LIN52: variants seen among roughly 807,000 people sequenced by gnomAD.
LIN52 encodes lin-52 DREAM MuvB core complex component.
In LIN52, 4 loss-of-function variants were observed where a neutral mutation model predicts 18.5. The ratio of observed to expected loss-of-function variants is 0.22; its 90% confidence interval spans 0.11 to 0.49. LIN52 has a LOEUF of 0.49. Among genes scored for constraint, LIN52 ranks in the 20% least tolerant of loss-of-function variants. The pLI is 0.97. For missense variants in LIN52, 102 were observed against 139.5 expected (o/e 0.73, Z 1.35); for synonymous variants, 34 against 45.5 (o/e 0.75, Z 1.02).
chr14:74,170,794 T>C (rs1264729123), intron 5 of LIN52, among the ~76,000 whole-genome samples: 1 of 151,876 alleles, frequency 6.6e-6, no homozygotes, highest in East Asian at 1.9e-4. Flanking sequence ...AACCTTGATA[T>C]TGTGGGACAA....
chr14:74,123,972 G>T lies in LIN52; in HGVS notation c.283+22734G>T, dbSNP rs75250920. Among the ~76,000 whole-genome samples, 1,050 of 152,252 alleles carry T rather than the reference G, an allele frequency of 6.9e-3. 14 individuals are homozygous for T. Among genetic ancestry groups the T allele is most frequent in the African/African-American group, 0.024 (1,011 of 41,532 alleles). On this transcript the variant is annotated intron_variant, in intron 5 of 5. Transcript: ENST00000555028. ...TAAGGTAATAATAATGCCTCTTAAT[G>T]AGCTGTTGAGAGAGTTAAATTGGAT...
intron 1 of LIN52, among the ~76,000 whole-genome samples, chr14:74,089,187 G>A (rs2060755082): frequency 1.3e-5 from 2 of 152,050 alleles, no homozygotes; most frequent in South Asian, 4.1e-4. Flanking sequence ...GTATTCTGAA[G>A]GTAGAAACGA....
At chr14:74,133,573 G>C (rs1448310217) in intron 5 of LIN52, among the ~76,000 whole-genome samples, 1 of 152,200 alleles carries the variant, frequency 6.6e-6, no homozygotes, top group Non-Finnish European at 1.5e-5. Flanking sequence ...TGAAAAATAA[G>C]TATCTCCAGA....
chr14:74,092,278 A>AATT lies in LIN52; in HGVS notation c.94+984_94+986dup, dbSNP rs1280468064. On this transcript the variant is annotated intron_variant, in intron 2 of 5. Transcript: ENST00000555028. ...TGAGCCACCGTGCCTAGCCAACAATAATTATTATTATTATATATATGTATA... is the reference window on the plus strand; with the variant it reads ...TGAGCCACCGTGCCTAGCCAACAATAATTATTATTATTATTATATATATGTATA... 5.0e-3 allele frequency among the ~76,000 whole-genome samples: 679 copies of AATT among 136,620 alleles called. 2 individuals carry two copies. The highest frequency in any genetic ancestry group is 0.016 in the African/African-American group (569 of 35,882). The allele number at this position is 136,620 out of a possible 152,430, so 89.6% of individuals were successfully genotyped here.
At chr14:74,184,296 C>T (rs1395487567) in intron 5 of LIN52, among the ~76,000 whole-genome samples, 2 of 152,184 alleles carry the variant, frequency 1.3e-5, no homozygotes, top group East Asian at 1.9e-4. Context: ...GCCTGGGCTG[C>T]GCTCAAGCGA....
chr14:74,124,853 A>G (rs1257335846), intron 5 of LIN52, among the ~76,000 whole-genome samples: 1 of 150,156 alleles, frequency 6.7e-6, no homozygotes, highest in Non-Finnish European at 1.5e-5. Flanking sequence ...CTCTTGATAA[A>G]GAAGTGACCA....
At chr14:74,192,272 TTTTTTG>T (rs1433260735) in intron 5 of LIN52, among the ~76,000 whole-genome samples, 2 of 151,796 alleles carry the variant, frequency 1.3e-5, no homozygotes, top group Non-Finnish European at 2.9e-5. Flanking sequence ...ACAGTGGTTG[TTTTTTG>T]TTTTTGTTTT....
intron 5 of LIN52, among the ~76,000 whole-genome samples, chr14:74,197,264 C>G (rs1215919572): frequency 6.6e-6 from 1 of 152,168 alleles, no homozygotes; most frequent in Non-Finnish European, 1.5e-5. Flanking sequence ...TCAGCAGACA[C>G]TAGGTCTGCT....
chr14:74,095,929 GTT>G lies in LIN52; in HGVS notation c.95-16_95-15del. On this transcript the variant is annotated splice_polypyrimidine_tract_variant and intron_variant, in intron 2 of 5. Coordinates refer to ENST00000555028, the MANE Select transcript of LIN52 (RefSeq NM_001024674.3). ...CAATCATACTTATTGAATAAATAAAGTTTTGTTTTTCTTTTTAGTACCAGGTG... is the reference window on the plus strand; with the variant it reads ...CAATCATACTTATTGAATAAATAAAGTTGTTTTTCTTTTTAGTACCAGGTG... 6.3e-7 allele frequency: 1 copy of G among 1,577,500 alleles called. No homozygotes were observed. Among genetic ancestry groups the G allele is most frequent in the South Asian group, 1.1e-5 (1 of 88,488 alleles).
At chr14:74,135,614 TC>T (rs1487038127) in intron 5 of LIN52, among the ~76,000 whole-genome samples, 1 of 152,242 alleles carries the variant, frequency 6.6e-6, no homozygotes, top group Non-Finnish European at 1.5e-5. Context: ...TTGGCATCCT[TC>T]CAGAAGCTGT....
At chr14:74,157,984 G>T (rs1014469749) in intron 5 of LIN52, among the ~76,000 whole-genome samples, 6 of 151,962 alleles carry the variant, frequency 3.9e-5, no homozygotes, top group African/African-American at 1.5e-4. Flanking sequence ...GTATATTGTT[G>T]TTCAGATTTT....
chr14:74,113,820 G>A (rs554574134), intron 5 of LIN52, among the ~76,000 whole-genome samples: 101 of 151,922 alleles, frequency 6.6e-4, no homozygotes, highest in African/African-American at 2.3e-3. Context: ...ACAAACCATA[G>A]CCTTACCACT....
chr14:74,124,520 G>C (rs1219365240), intron 5 of LIN52, among the ~76,000 whole-genome samples: 1 of 152,062 alleles, frequency 6.6e-6, no homozygotes, highest in Non-Finnish European at 1.5e-5. Context: ...TAAAAGCTAA[G>C]AGGCTCCTGG....
chr14:74,165,513 C>CTTTTTCTTTTTTT (rs1555384154), intron 5 of LIN52, among the ~76,000 whole-genome samples: 1 of 110,262 alleles, frequency 9.1e-6, no homozygotes, highest in Admixed American at 9.6e-5. Context: ...GTTTTCTTTT[C>CTTTTTCTTTTTTT]TTTTTTTTTT....
At chr14:74,131,478 C>A (rs1215736135) in intron 5 of LIN52, among the ~76,000 whole-genome samples, 1 of 151,848 alleles carries the variant, frequency 6.6e-6, no homozygotes, top group Non-Finnish European at 1.5e-5. Flanking sequence ...GCCACCACGA[C>A]TGGCTAACTT....
intron 5 of LIN52, among the ~76,000 whole-genome samples, chr14:74,131,999 T>C (rs1250408160): frequency 1.3e-5 from 2 of 152,166 alleles, no homozygotes; most frequent in Non-Finnish European, 2.9e-5. Context: ...GCTACAAAGC[T>C]CATTAGTGAC....
chr14:74,114,370 GA>G (rs111485157), intron 5 of LIN52: 33 of 985,512 alleles, frequency 3.3e-5, no homozygotes, highest in African/African-American at 3.1e-4. Context: ...GAGGAGGCAG[GA>G]AGTTACAGTG....
At chr14:74,197,215 G>C (rs1639840589) in intron 5 of LIN52, among the ~76,000 whole-genome samples, 1 of 152,162 alleles carries the variant, frequency 6.6e-6, no homozygotes, top group South Asian at 2.1e-4. Flanking sequence ...CTTGGTTCTA[G>C]TTCTTTGGTG....
intron 5 of LIN52, among the ~76,000 whole-genome samples, chr14:74,166,050 C>T (rs1037878432): frequency 1.3e-5 from 2 of 151,342 alleles, no homozygotes; most frequent in African/African-American, 4.9e-5. Flanking sequence ...CGCCACCATT[C>T]CCGGCTAATT....
Sources: allele counts gnomAD v4.1 joint callset (sites outside exome capture counted in the v4.1 genomes callset), GRCh38; gene constraint gnomAD v4.1.1; transcripts MANE v1.5; gene names NCBI Gene and HGNC (gene_info 2026-07-23, HGNC 2026-07-21).